The following CYSLTR1 variants were observed in gnomAD, a reference collection of about 807,000 sequenced individuals.
CYSLTR1 encodes G-protein coupled receptor HG55.
Under a neutral mutation model 2.1 loss-of-function variants are expected in CYSLTR1, and 1 was observed. That is an observed-to-expected ratio of 0.48 (90% CI 0.17 to 2.28). CYSLTR1 has a LOEUF of 2.28. Among genes scored for constraint, CYSLTR1 ranks in the 30% most tolerant of loss-of-function variants. The pLI, the probability that CYSLTR1 is intolerant of heterozygous loss-of-function variation, is 0.26. For synonymous variants in CYSLTR1, 110 were observed against 89.6 expected, an observed-to-expected ratio of 1.23 and a Z score of -1.28; for missense variants, 299 against 250.1, an observed-to-expected ratio of 1.20 and a Z score of -1.32.
intron 1 of CYSLTR1, among the ~76,000 whole-genome samples, chrX:78,325,833 T>C (rs1157613733): frequency 8.9e-6 from 1 of 112,216 alleles, no homozygotes; most frequent in African/African-American, 3.2e-5. Context: ...TGGTCAATTA[T>C]ACTGAAAATA....
chrX:78,311,162 C>T (rs1338797146), intron 1 of CYSLTR1, among the ~76,000 whole-genome samples: 3 of 110,881 alleles, frequency 2.7e-5, no homozygotes, highest in African/African-American at 6.6e-5. Flanking sequence ...ACAATATTAT[C>T]TGCTGAGAAA....
chrX:78,292,337 CTTG>C, intron 1 of CYSLTR1, among the ~76,000 whole-genome samples: 1 of 111,961 alleles, frequency 8.9e-6, no homozygotes, highest in African/African-American at 3.2e-5. Flanking sequence ...TGAGAGACAA[CTTG>C]TTGTGATTTC....
rs1463489886 is a variant in CYSLTR1, at chrX:78,272,986, G to T, written c.761C>A (p.Thr254Asn). The change falls in exon 3 of 3, where the codon ACC becomes AAC. Residue 254 changes from threonine (T) to asparagine (N), a missense_variant. Transcript: ENST00000373304. The stretch of plus-strand genomic sequence containing the variant: ...ATTGTGTAAAAAATGAAGGTGAATG[G>T]TACGTTGAATATGATATGGCATGAA... The part of the protein sequence containing the change: ...VSFMPYHIQR[T>N]IHLHFLHNET... 2.5e-6 allele frequency: 3 copies of T among 1,209,635 alleles called. No homozygotes were observed. In the African/African-American group the frequency reaches 5.3e-5, roughly 21 times the overall value.
chrX:78,299,729 G>A (rs1171141998), intron 1 of CYSLTR1, among the ~76,000 whole-genome samples: 2 of 110,724 alleles, frequency 1.8e-5, no homozygotes, highest in African/African-American at 6.6e-5. Flanking sequence ...CTCTATCTTT[G>A]ACCTCTGAAA....
At chrX:78,321,770 A>C (rs1471037579) in intron 1 of CYSLTR1, 1 of 110,833 alleles carries the variant, frequency 9.0e-6, no homozygotes, top group African/African-American at 3.3e-5. Flanking sequence ...GACTAATGGA[A>C]ATGCAAAGAC....
intron 1 of CYSLTR1, among the ~76,000 whole-genome samples, chrX:78,288,605 T>G (rs1344324444): frequency 1.8e-5 from 2 of 111,866 alleles, no homozygotes; most frequent in African/African-American, 6.5e-5. Flanking sequence ...CTGTATATAT[T>G]TATAGGGTAC....
At chrX:78,312,788 G>A (rs1041861335) in intron 1 of CYSLTR1, among the ~76,000 whole-genome samples, 20 of 112,021 alleles carry the variant, frequency 1.8e-4, no homozygotes, top group African/African-American at 6.2e-4. Flanking sequence ...CAGTCAAAAT[G>A]GCAATTAGTA....
intron 2 of CYSLTR1, among the ~76,000 whole-genome samples, chrX:78,276,240 T>C (rs1382024537): frequency 8.9e-6 from 1 of 112,113 alleles, no homozygotes; most frequent in Non-Finnish European, 1.9e-5. Context: ...AGGCTTGAGG[T>C]GAGATACTGT....
intron 1 of CYSLTR1, among the ~76,000 whole-genome samples, chrX:78,314,867 C>T (rs1039476467): frequency 8.2e-5 from 9 of 109,261 alleles, no homozygotes; most frequent in African/African-American, 1.3e-4. Context: ...CTCCTAGGAA[C>T]GTCCTAGTGC....
At chrX:78,280,531 G>T (rs751785362) in intron 2 of CYSLTR1, among the ~76,000 whole-genome samples, 1 of 106,778 alleles carries the variant, frequency 9.4e-6, no homozygotes, top group Non-Finnish European at 1.9e-5. Flanking sequence ...GTGTTGGGGG[G>T]GGGGTAAGAA....
chrX:78,276,841 G>A, intron 2 of CYSLTR1, among the ~76,000 whole-genome samples: 1 of 110,678 alleles, frequency 9.0e-6, no homozygotes, highest in East Asian at 2.8e-4. Context: ...GGAGACCCAA[G>A]GCTGAAAGGG....
rs181815373 is a variant in CYSLTR1 at position 78,273,191 on chromosome X, C to T, written c.556G>A (p.Val186Ile). 2 of 1,210,388 alleles carry T rather than the reference C, an allele frequency of 1.7e-6. No individual in the cohort carries two copies. The highest frequency in any genetic ancestry group is 1.8e-5 in the South Asian group (1 of 56,858). ...PPQDNQTKNH[V>I]LVLHYVSLFV... ...AATGACACATAATGCAAGACCAAAA[C>T]ATGATTTTTAGTTTGATTGTCTTGT... Residue 186 changes from valine to isoleucine, a missense_variant, in exon 3 of 3, where the codon GTT becomes ATT. By Grantham distance (29) the Val-to-Ile change is conservative. Transcript: ENST00000373304.
intron 2 of CYSLTR1, among the ~76,000 whole-genome samples, chrX:78,280,551 T>C (rs985751689): frequency 9.2e-6 from 1 of 108,689 alleles, no homozygotes; most frequent in Non-Finnish European, 1.9e-5. Context: ...ATGCTTAAGA[T>C]CTACTTTCTT....
At chrX:78,303,619 T>C (rs1000164127) in intron 1 of CYSLTR1, among the ~76,000 whole-genome samples, 4 of 111,639 alleles carry the variant, frequency 3.6e-5, no homozygotes, top group African/African-American at 9.8e-5. Flanking sequence ...TCCTGCTGTA[T>C]GTAGTACAGT....
At chrX:78,276,592 T>C (rs1438269481) in intron 2 of CYSLTR1, among the ~76,000 whole-genome samples, 1 of 110,984 alleles carries the variant, frequency 9.0e-6, no homozygotes, top group Admixed American at 9.7e-5. Context: ...TCCATCCATC[T>C]AGCCATCCCA....
chrX:78,322,211 G>C (rs1923694908), intron 1 of CYSLTR1, among the ~76,000 whole-genome samples: 1 of 111,862 alleles, frequency 8.9e-6, no homozygotes, highest in Non-Finnish European at 1.9e-5. Context: ...ATGAAAAAAA[G>C]TTGGTTGTGC....
chrX:78,276,547 C>A (rs981476950), intron 2 of CYSLTR1, among the ~76,000 whole-genome samples: 1 of 110,360 alleles, frequency 9.1e-6, no homozygotes, highest in African/African-American at 3.3e-5. Context: ...GGTTTACTAC[C>A]GCTCACAATT....
intron 1 of CYSLTR1, among the ~76,000 whole-genome samples, chrX:78,291,367 T>C (rs1185941037): frequency 8.9e-6 from 1 of 112,000 alleles, no homozygotes; most frequent in Non-Finnish European, 1.9e-5. Flanking sequence ...GCCAGTATTT[T>C]ATTGAGAATT....
At chrX:78,316,706 C>T (rs1020286636) in intron 1 of CYSLTR1, among the ~76,000 whole-genome samples, 1 of 111,690 alleles carries the variant, frequency 9.0e-6, no homozygotes, top group Non-Finnish European at 1.9e-5. Context: ...AACTGATCTT[C>T]AACAAAGCAA....
Sources: gnomAD v4.1 joint callset for allele counts (sites outside exome capture counted in the v4.1 genomes callset) on GRCh38, gnomAD v4.1.1 for gene constraint, MANE v1.5 for transcripts, NCBI Gene and HGNC (gene_info 2026-07-23, HGNC 2026-07-21) for gene names.